The following ST3GAL3 variants were observed in gnomAD, a reference collection of about 807,000 sequenced individuals.
ST3GAL3 encodes the protein CMP-N-acetylneuraminate-beta-1,4-galactoside alpha-2,3-sialyltransferase.
ST3GAL3 carries 21 observed loss-of-function variants against 50.1 expected under a neutral mutation model. The observed-to-expected ratio is 0.42, with a 90% confidence interval of 0.30 to 0.60. ST3GAL3 has a LOEUF of 0.60. ST3GAL3 is among the 20% of genes least tolerant of loss of function. The pLI, the probability that ST3GAL3 is intolerant of heterozygous loss-of-function variation, is 0.19. For synonymous variants in ST3GAL3, 183 were observed against 190.0 expected (o/e 0.96, Z 0.30); for missense variants, 353 against 489.4 (o/e 0.72, Z 2.63).
At chr1:43,707,757 G>GC (rs1302017701) in intron 1 of ST3GAL3, 64 bp downstream of exon 1, 1 of 151,968 alleles carries the variant, frequency 6.6e-6, no homozygotes, top group African/African-American at 2.4e-5. Flanking sequence ...TCGCCGCTCC[G>GC]CCCCGCCCCT....
rs543528398 is a variant in ST3GAL3 at position 43,904,703 on chromosome 1, G to A, written c.744+4976G>A. 3.0e-3 allele frequency among the ~76,000 whole-genome samples: 271 copies of A among 89,900 alleles called. 1 individual carries two copies. The highest frequency in any genetic ancestry group is 0.011 in the African/African-American group (259 of 22,890). 59.0% of individuals were successfully genotyped at this position (89,900 alleles called of 152,430 possible). On this transcript the variant is annotated intron_variant, in intron 9 of 11. Coordinates refer to ENST00000347631, the MANE Select transcript of ST3GAL3 (RefSeq NM_006279.5). ...TCCCCTTCCCGTCACTCTTCCTCCC[G>A]CTCCCTGTCACTCTTCCTCACCCTC...
At chr1:43,826,484 T>G (rs181579260) in intron 4 of ST3GAL3, among the ~76,000 whole-genome samples, 3 of 152,216 alleles carry the variant, frequency 2.0e-5, no homozygotes, top group Non-Finnish European at 4.4e-5. Flanking sequence ...CACTGGTGGA[T>G]TCTATCAAAA....
intron 1 of ST3GAL3, among the ~76,000 whole-genome samples, chr1:43,732,215 T>C (rs1176100629): frequency 6.6e-6 from 1 of 152,262 alleles, no homozygotes; most frequent in Non-Finnish European, 1.5e-5. Context: ...TTCTGTGTAC[T>C]GGCAGCTGGT....
chr1:43,876,724 C>A (rs772418554), intron 5 of ST3GAL3, among the ~76,000 whole-genome samples: 1 of 152,270 alleles, frequency 6.6e-6, no homozygotes, highest in South Asian at 2.1e-4. Context: ...GGCTGGATGG[C>A]CATGGGGTGC....
chr1:43,872,360 G>T (rs536144239), intron 5 of ST3GAL3, among the ~76,000 whole-genome samples: 3 of 150,432 alleles, frequency 2.0e-5, no homozygotes, highest in South Asian at 4.2e-4. Flanking sequence ...GGGGTGTGAG[G>T]GGGGAGGACT....
intron 5 of ST3GAL3, among the ~76,000 whole-genome samples, chr1:43,868,784 C>T (rs1380407554): frequency 5.9e-5 from 9 of 152,130 alleles, no homozygotes; most frequent in Admixed American, 5.2e-4. Flanking sequence ...TTATTTTTAA[C>T]TGTGTTGTGT....
Position 43,920,723 on chromosome 1 carries a change from G to A in ST3GAL3, c.892-59G>A, listed in dbSNP as rs866599777. 6.8e-6 allele frequency: 11 copies of A among 1,613,418 alleles called. No homozygotes were observed. In the Middle Eastern group the frequency reaches 1.5e-3, roughly 217 times the overall value. On this transcript the variant is annotated intron_variant, in intron 10 of 11. Transcript: ENST00000347631. ...AGGGAGCTTGGCTGAAGTCTCAGCT[G>A]TCCCAGCCCTCCAGCTGAACTCTGC...
chr1:43,893,032 A>G lies in ST3GAL3; in HGVS notation c.303-1351A>G, dbSNP rs112456176. ...GCTGGGACCCAACTCAGAGCTCCCAAGTGTTGACATCTTCCTAGCAAGAGT... is the reference window on the plus strand; with the variant it reads ...GCTGGGACCCAACTCAGAGCTCCCAGGTGTTGACATCTTCCTAGCAAGAGT... On this transcript the variant is annotated intron_variant, in intron 5 of 11. Coordinates refer to ENST00000347631, the MANE Select transcript of ST3GAL3 (RefSeq NM_006279.5). 3.3e-3 allele frequency among the ~76,000 whole-genome samples: 504 copies of G among 152,318 alleles called. 4 individuals carry two copies. Among genetic ancestry groups the G allele is most frequent in the African/African-American group, 0.011 (474 of 41,568 alleles).
chr1:43,774,275 T>C (rs1696362839), intron 2 of ST3GAL3, among the ~76,000 whole-genome samples: 1 of 152,238 alleles, frequency 6.6e-6, no homozygotes, highest in Non-Finnish European at 1.5e-5. Flanking sequence ...GTTTTTTCTT[T>C]TGCTATTGTT....
intron 7 of ST3GAL3, among the ~76,000 whole-genome samples, chr1:43,898,690 G>A (rs2077759647): frequency 6.6e-6 from 1 of 152,144 alleles, no homozygotes; most frequent in South Asian, 2.1e-4. Context: ...CCAGGGTCAG[G>A]GATGGGAGAA....
chr1:43,713,718 T>A (rs1665915474), intron 1 of ST3GAL3, among the ~76,000 whole-genome samples: 1 of 152,032 alleles, frequency 6.6e-6, no homozygotes, highest in Non-Finnish European at 1.5e-5. Context: ...GTGTTTTTTA[T>A]AGAGATGTGG....
intron 4 of ST3GAL3, among the ~76,000 whole-genome samples, chr1:43,830,607 T>C (rs1411621482): frequency 6.6e-6 from 1 of 152,260 alleles, no homozygotes; most frequent in East Asian, 1.9e-4. Flanking sequence ...CTCTATCTTA[T>C]ACTGGGGACC....
intron 5 of ST3GAL3, among the ~76,000 whole-genome samples, chr1:43,865,795 A>G (rs1156694589): frequency 1.3e-5 from 2 of 152,214 alleles, no homozygotes; most frequent in Non-Finnish European, 2.9e-5. Context: ...TTCTAGCATT[A>G]AAGGGCCAAA....
intron 5 of ST3GAL3, among the ~76,000 whole-genome samples, chr1:43,884,941 C>A (rs1570648515): frequency 6.6e-6 from 1 of 152,228 alleles, no homozygotes; most frequent in Non-Finnish European, 1.5e-5. Context: ...CACATAACTA[C>A]TCCCTCACCT....
chr1:43,802,723 C>A (rs1573145940), intron 3 of ST3GAL3, among the ~76,000 whole-genome samples: 1 of 152,206 alleles, frequency 6.6e-6, no homozygotes, highest in African/African-American at 2.4e-5. Context: ...GTACAATTGA[C>A]AGACTGTGGT....
intron 9 of ST3GAL3, among the ~76,000 whole-genome samples, chr1:43,904,819 ACT>A (rs575086228): frequency 5.7e-4 from 29 of 51,110 alleles, no homozygotes; most frequent in African/African-American, 2.0e-3. Flanking sequence ...TCTTCCTGCC[ACT>A]CTTTCCCCTC....
Position 43,899,707 on chromosome 1 carries a change from A to G in ST3GAL3, c.724A>G (p.Ile242Val), listed in dbSNP as rs753554208. 1.1e-5 allele frequency: 17 copies of G among 1,614,050 alleles called. No homozygotes were observed. Among genetic ancestry groups the G allele is most frequent in the South Asian group, 2.2e-5 (2 of 91,088 alleles). The change falls in exon 9 of 12, where the codon ATC becomes GTC. Residue 242 changes from isoleucine to valine, a missense_variant. Transcript: ENST00000347631. The surrounding 1 kb of genome is among the most constrained non-coding windows in gnomAD (Gnocchi z 5.4). ...KWQDFKWLKY[I>V]VYKERVSASD... is the part of the protein sequence containing the mutation. ...GCAGGACTTTAAGTGGTTGAAATAC[A>G]TCGTCTACAAGGAGAGAGTGGTAAG... is the stretch of plus-strand genomic sequence containing the variant.
intron 2 of ST3GAL3, among the ~76,000 whole-genome samples, chr1:43,765,212 G>A (rs1326478224): frequency 6.6e-6 from 1 of 152,068 alleles, no homozygotes; most frequent in African/African-American, 2.4e-5. Context: ...ACTTCATCTA[G>A]TGACTCCCCC....
rs530122031 is a variant in ST3GAL3, at chr1:43,921,688, C to T, written c.1038+760C>T. ...GCCCTCATTCCTGCTTATCAGTCTT[C>T]TTATCTATCCTTCTCCATCATCCCC... On this transcript the variant is annotated intron_variant, in intron 11 of 11. Transcript: ENST00000347631. 2.3e-5 allele frequency: 9 copies of T among 398,798 alleles called. 1 individual carries two copies. In the South Asian group the frequency reaches 1.1e-3, roughly 51 times the overall value. The allele number at this position is 398,798 out of a possible 1,614,324, so 24.7% of individuals were successfully genotyped here.
Sources: gnomAD v4.1 joint callset for allele counts (sites outside exome capture counted in the v4.1 genomes callset) on GRCh38, gnomAD v4.1.1 for gene constraint, Gnocchi (gnomAD v3.1) non-coding constraint, MANE v1.5 for transcripts, NCBI Gene and HGNC (gene_info 2026-07-23, HGNC 2026-07-21) for gene names.